Variants in B3GALT1 observed in about 807,000 individuals in gnomAD.
B3GALT1 encodes the protein UDP-Gal:betaGlcNAc beta 1,3-galactosyltransferase, polypeptide 1.
B3GALT1 carries 10 observed loss-of-function variants against 23.2 expected under a neutral mutation model. The observed-to-expected ratio is 0.43, with a 90% CI of 0.27 to 0.73. The LOEUF is 0.73. B3GALT1 is among the 30% of genes least tolerant of loss of function. The pLI is 0.21. For synonymous variants in B3GALT1, 156 were observed against 141.5 expected, an observed-to-expected ratio of 1.10 and a Z score of -0.73; for missense variants, 299 against 405.4, an observed-to-expected ratio of 0.74 and a Z score of 2.25.
At chr2:167,508,820 C>A (rs531228793) in intron 2 of B3GALT1, among the ~76,000 whole-genome samples, 2 of 151,958 alleles carry the variant, frequency 1.3e-5, no homozygotes, top group South Asian at 4.2e-4. Context: ...AGCAAACACA[C>A]ATTCAACTTT....
intron 2 of B3GALT1, among the ~76,000 whole-genome samples, chr2:167,507,712 A>C (rs913856688): frequency 6.6e-6 from 1 of 151,984 alleles, no homozygotes; most frequent in Non-Finnish European, 1.5e-5. Flanking sequence ...TATGTGCATA[A>C]AGCCCTTAGT....
intron 2 of B3GALT1, among the ~76,000 whole-genome samples, chr2:167,638,254 T>C (rs1037057461): frequency 9.9e-5 from 15 of 152,044 alleles, no homozygotes; most frequent in African/African-American, 3.1e-4. Context: ...TTTTAGGCTA[T>C]TGTATGATAT....
At chr2:167,504,552 T>TA (rs765887804) in intron 2 of B3GALT1, among the ~76,000 whole-genome samples, 16 of 152,138 alleles carry the variant, frequency 1.1e-4, no homozygotes, top group Non-Finnish European at 1.8e-4. Flanking sequence ...AAAAGAAAAT[T>TA]ACTTATCAGA....
chr2:167,460,964 C>T (rs1699250391), intron 1 of B3GALT1, among the ~76,000 whole-genome samples: 1 of 151,988 alleles, frequency 6.6e-6, no homozygotes. Flanking sequence ...TGCCTGGTTC[C>T]TAAAAGGGGT....
At chr2:167,765,849 T>C (rs975852120) in intron 3 of B3GALT1, among the ~76,000 whole-genome samples, 1 of 152,230 alleles carries the variant, frequency 6.6e-6, no homozygotes, top group African/African-American at 2.4e-5. Flanking sequence ...AACACCATAA[T>C]AAGCTTGCAC....
chr2:167,857,778 A>ACTAT (rs1690024715), intron 4 of B3GALT1, among the ~76,000 whole-genome samples: 1 of 152,116 alleles, frequency 6.6e-6, no homozygotes, highest in Admixed American at 6.6e-5. Flanking sequence ...GCCAAATAAA[A>ACTAT]CTATCTGTCA....
intron 3 of B3GALT1, among the ~76,000 whole-genome samples, chr2:167,671,703 A>C (rs960148991): frequency 6.6e-6 from 1 of 152,118 alleles, no homozygotes; most frequent in Admixed American, 6.5e-5. Flanking sequence ...AAGATCTCAA[A>C]TAAACAACTT....
intron 4 of B3GALT1, among the ~76,000 whole-genome samples, chr2:167,867,022 AT>A (rs1310353387): frequency 2.6e-5 from 4 of 151,600 alleles, no homozygotes; most frequent in Non-Finnish European, 5.9e-5. Flanking sequence ...CACCTCCTGG[AT>A]TCAGGCCATT....
chr2:167,638,368 G>C (rs1200789761), intron 2 of B3GALT1, among the ~76,000 whole-genome samples: 4 of 152,042 alleles, frequency 2.6e-5, no homozygotes, highest in Non-Finnish European at 5.9e-5. Context: ...GACATTGTAT[G>C]AACTTAAAAG....
chr2:167,821,691 T>A (rs1165566726), intron 4 of B3GALT1, among the ~76,000 whole-genome samples: 1 of 152,188 alleles, frequency 6.6e-6, no homozygotes, highest in Non-Finnish European at 1.5e-5. Context: ...CGCCTCATCC[T>A]CCCAAAGTGC....
intron 1 of B3GALT1, among the ~76,000 whole-genome samples, chr2:167,401,891 T>A (rs1698197486): frequency 6.6e-6 from 1 of 152,142 alleles, no homozygotes; most frequent in Non-Finnish European, 1.5e-5. Flanking sequence ...TTCTGTTAAC[T>A]AAGGAAGATT....
In B3GALT1 at chr2:167,735,010, T is replaced by A. The variant is rs77275677; in HGVS notation, c.-351-83662T>A. Reference sequence around the variant, plus strand: ...GCTGCCATCATTTTCTCACTCTCTGTTCAAGTAACTGGATTTGCACATGGT... The same window carrying A: ...GCTGCCATCATTTTCTCACTCTCTGATCAAGTAACTGGATTTGCACATGGT... On this transcript the variant is annotated intron_variant, in intron 3 of 4. Coordinates refer to ENST00000392690, the MANE Select transcript of B3GALT1 (RefSeq NM_020981.4). Among the ~76,000 whole-genome samples, 71 of 152,294 alleles carry A rather than the reference T, an allele frequency of 4.7e-4. No individual in the cohort carries two copies. In the East Asian group the frequency reaches 0.013, roughly 27 times the overall value.
intron 3 of B3GALT1, among the ~76,000 whole-genome samples, chr2:167,745,957 ACT>A (rs1687645714): frequency 4.0e-5 from 6 of 151,826 alleles, no homozygotes; most frequent in Admixed American, 3.9e-4. Flanking sequence ...ATATCTCTTA[ACT>A]CTCTCTAATA....
At chr2:167,393,416 G>A (rs1202105689) in intron 1 of B3GALT1, among the ~76,000 whole-genome samples, 3 of 151,730 alleles carry the variant, frequency 2.0e-5, no homozygotes, top group Admixed American at 6.6e-5. Context: ...AGGGATTCTG[G>A]GGTTAGGAAA....
intron 1 of B3GALT1, among the ~76,000 whole-genome samples, chr2:167,436,033 T>C (rs1698781036): frequency 6.6e-6 from 1 of 151,790 alleles, no homozygotes; most frequent in South Asian, 2.1e-4. Context: ...CCTTCTTGCC[T>C]ACTGCAGTCG....
At chr2:167,470,868 A>T (rs1699410997) in intron 1 of B3GALT1, among the ~76,000 whole-genome samples, 1 of 152,236 alleles carries the variant, frequency 6.6e-6, no homozygotes, top group South Asian at 2.1e-4. Flanking sequence ...ACTTTTCCAC[A>T]TACCTTGATC....
intron 3 of B3GALT1, among the ~76,000 whole-genome samples, chr2:167,710,043 GA>G (rs1482107306): frequency 2.6e-5 from 4 of 151,302 alleles, no homozygotes; most frequent in African/African-American, 7.3e-5. Context: ...TGGGTACCCA[GA>G]AAAAAAAATT....
intron 3 of B3GALT1, among the ~76,000 whole-genome samples, chr2:167,669,845 G>T (rs1301926583): frequency 2.0e-5 from 3 of 152,026 alleles, no homozygotes; most frequent in Non-Finnish European, 4.4e-5. Flanking sequence ...TGCCCAAGAA[G>T]CCCGCCAATT....
intron 1 of B3GALT1, among the ~76,000 whole-genome samples, chr2:167,323,734 C>T (rs1235995988): frequency 1.3e-5 from 2 of 152,130 alleles, no homozygotes; most frequent in Non-Finnish European, 2.9e-5. Context: ...TGAGCCTCAG[C>T]TTTTTCATTA....
Sources: allele counts gnomAD v4.1 joint callset (sites outside exome capture counted in the v4.1 genomes callset), GRCh38; gene constraint gnomAD v4.1.1; transcripts MANE v1.5; gene names NCBI Gene and HGNC (gene_info 2026-07-23, HGNC 2026-07-21).